RAB27A: variants seen among roughly 807,000 people sequenced by gnomAD.
The protein encoded by RAB27A is RAB27A, member RAS oncogene family, also known as ras-related protein Rab-27A.
A neutral mutation model predicts 20.8 loss-of-function variants in RAB27A; 17 were observed. The ratio of observed to expected loss-of-function variants is 0.82; its 90% confidence interval spans 0.56 to 1.23. The LOEUF (loss-of-function observed/expected upper bound fraction) is 1.23, where lower values mean the gene tolerates loss of function less well. Ranked by LOEUF, RAB27A falls within the 50% of genes most tolerant of loss-of-function variation. The pLI is 0.00. For synonymous variants in RAB27A, 85 were observed against 92.8 expected (o/e 0.92, Z 0.48); for missense variants, 277 against 266.7 (o/e 1.04, Z -0.27).
chr15:55,267,352 G>A (rs559710977), intron 2 of RAB27A, among the ~76,000 whole-genome samples: 2 of 152,096 alleles, frequency 1.3e-5, no homozygotes, highest in African/African-American at 4.8e-5. Context: ...ATTTATACCC[G>A]TGTTTGAGCA....
intron 2 of RAB27A, among the ~76,000 whole-genome samples, chr15:55,253,178 T>C (rs1032914176): frequency 6.8e-6 from 1 of 147,832 alleles, no homozygotes; most frequent in South Asian, 2.1e-4. Flanking sequence ...CCAGGCGTGG[T>C]GGCTCATGCC....
At chr15:55,225,255 A>G (rs557684627) in intron 5 of RAB27A, among the ~76,000 whole-genome samples, 1 of 152,266 alleles carries the variant, frequency 6.6e-6, no homozygotes, top group Non-Finnish European at 1.5e-5. Flanking sequence ...ATGAGCACAG[A>G]CTCAGGATCC....
chr15:55,210,943 T>C (rs1310990988), intron 6 of RAB27A, among the ~76,000 whole-genome samples: 1 of 152,184 alleles, frequency 6.6e-6, no homozygotes, highest in Non-Finnish European at 1.5e-5. Flanking sequence ...TTTTTATATA[T>C]GGTGAGAGAT....
At chr15:55,256,707 C>T (rs549878343) in intron 2 of RAB27A, among the ~76,000 whole-genome samples, 165 of 152,270 alleles carry the variant, frequency 1.1e-3, no homozygotes, top group African/African-American at 3.7e-3. Flanking sequence ...GAGAGCAGGA[C>T]GACTAATCCA....
Position 55,203,765 on chromosome 15 carries a change from T to A in RAB27A, c.*1742A>T, listed in dbSNP as rs1061824. 6.6e-6 allele frequency: 1 copy of A among 151,534 alleles called. No homozygotes were observed. The highest frequency in any genetic ancestry group is 2.4e-5 in the African/African-American group (1 of 41,156). 9.4% of individuals were successfully genotyped at this position (151,534 alleles called of 1,614,324 possible). On this transcript the variant is annotated 3_prime_UTR_variant, in exon 7 of 7. Coordinates refer to ENST00000336787, the MANE Select transcript of RAB27A (RefSeq NM_183235.3). ...TCTAAATCTTTTCCTCACTAGCATA[T>A]ACAATTCAAATGCACAGGCCTCCAT...
chr15:55,276,014 C>T (rs1454793789), intron 1 of RAB27A, among the ~76,000 whole-genome samples: 1 of 149,406 alleles, frequency 6.7e-6, no homozygotes, highest in African/African-American at 2.5e-5. Context: ...CAAATTGGTA[C>T]AGCCACTATG....
chr15:55,266,484 T>G (rs1392290193), intron 2 of RAB27A, among the ~76,000 whole-genome samples: 1 of 151,958 alleles, frequency 6.6e-6, no homozygotes, highest in Non-Finnish European at 1.5e-5. Flanking sequence ...ATTTAGGAGG[T>G]AGAAATCAAT....
intron 2 of RAB27A, among the ~76,000 whole-genome samples, chr15:55,243,309 T>C (rs912247245): frequency 3.9e-5 from 6 of 152,202 alleles, no homozygotes; most frequent in Non-Finnish European, 8.8e-5. Context: ...TTCATTTACC[T>C]GTAGAATTGC....
rs567623993 is a variant in RAB27A, at chr15:55,214,162, C to T, written c.468-8457G>A. 4.6e-5 allele frequency among the ~76,000 whole-genome samples: 7 copies of T among 152,294 alleles called. No homozygotes were observed. The South Asian group carries it at 8.3e-4, about 18-fold the overall frequency. On this transcript the variant is annotated intron_variant, in intron 6 of 6. Transcript: ENST00000336787. Reference sequence around the variant, plus strand: ...CTATTAAAAACTGGTTGAGGCCGGGCGCGATGGCTGATGCCTGTAATCCCA... The same window carrying T: ...CTATTAAAAACTGGTTGAGGCCGGGTGCGATGGCTGATGCCTGTAATCCCA...
intron 1 of RAB27A, among the ~76,000 whole-genome samples, chr15:55,274,598 C>T (rs561174768): frequency 6.7e-6 from 1 of 150,140 alleles, no homozygotes; most frequent in East Asian, 2.0e-4. Flanking sequence ...ACCAACATGG[C>T]AAAACCCCGT....
chr15:55,261,709 CAAAAAAAAAAAAAAAA>C (rs768256540), intron 2 of RAB27A, among the ~76,000 whole-genome samples: 1 of 18,652 alleles, frequency 5.4e-5, no homozygotes, highest in Non-Finnish European at 1.3e-4. Flanking sequence ...CACTGCATCT[CAAAAAAAAAAAAAAAA>C]AAAAAAAAAA....
At chr15:55,250,077 C>T (rs1896831117) in intron 2 of RAB27A, among the ~76,000 whole-genome samples, 2 of 152,118 alleles carry the variant, frequency 1.3e-5, no homozygotes, top group Non-Finnish European at 2.9e-5. Flanking sequence ...ATTCTCATGC[C>T]TCAGCCTCCC....
chr15:55,290,829 C>T (rs566438371), upstream of RAB27A, among the ~76,000 whole-genome samples: 1 of 152,344 alleles, frequency 6.6e-6, no homozygotes, highest in Admixed American at 6.5e-5. Flanking sequence ...CAAATGTTTC[C>T]ACTTCTAAGC....
At chr15:55,250,199 A>C (rs894346726) in intron 2 of RAB27A, among the ~76,000 whole-genome samples, 1 of 152,086 alleles carries the variant, frequency 6.6e-6, no homozygotes, top group African/African-American at 2.4e-5. Context: ...CCTGATCTCA[A>C]GTGATCTGCC....
At chr15:55,261,137 G>A (rs1412083404) in intron 2 of RAB27A, among the ~76,000 whole-genome samples, 1 of 151,816 alleles carries the variant, frequency 6.6e-6, no homozygotes, top group Non-Finnish European at 1.5e-5. Flanking sequence ...GCTCATGGTG[G>A]CCTGTAATCC....
At chr15:55,310,467 C>T (rs1050936066) in intron 2 of RAB27A, among the ~76,000 whole-genome samples, 2 of 152,174 alleles carry the variant, frequency 1.3e-5, no homozygotes, top group Non-Finnish European at 2.9e-5. Flanking sequence ...GCCTTCCAGT[C>T]ATTCCCTTGA....
chr15:55,231,312 T>C (rs1896024126), intron 3 of RAB27A, among the ~76,000 whole-genome samples: 1 of 152,184 alleles, frequency 6.6e-6, no homozygotes, highest in African/African-American at 2.4e-5. Context: ...TAGAACAATT[T>C]TCCCTTGTCC....
intron 1 of RAB27A, among the ~76,000 whole-genome samples, chr15:55,281,608 A>C (rs1898017396): frequency 1.3e-5 from 2 of 151,940 alleles, no homozygotes; most frequent in African/African-American, 4.8e-5. Flanking sequence ...GTTACTTAGG[A>C]GGCTGAAGCA....
chr15:55,285,234 C>T (rs1051669606), intron 1 of RAB27A, among the ~76,000 whole-genome samples: 1 of 150,032 alleles, frequency 6.7e-6, no homozygotes, highest in African/African-American at 2.5e-5. Context: ...ACTCCACACA[C>T]GGGAGGTTGG....
Sources: allele counts gnomAD v4.1 joint callset (sites outside exome capture counted in the v4.1 genomes callset), GRCh38; gene constraint gnomAD v4.1.1; transcripts MANE v1.5; gene names NCBI Gene and HGNC (gene_info 2026-07-23, HGNC 2026-07-21).